The following KCTD1 variants were observed in gnomAD, a reference collection of about 807,000 sequenced individuals.
KCTD1 encodes the protein BTB/POZ domain-containing protein KCTD1.
A neutral mutation model predicts 66.0 loss-of-function variants in KCTD1; 24 were observed. That is an observed-to-expected ratio of 0.36 (90% CI 0.26 to 0.51). KCTD1 has a LOEUF of 0.51. KCTD1 is among the 20% of genes least tolerant of loss of function. The pLI, the probability that KCTD1 is intolerant of heterozygous loss-of-function variation, is 0.95. For synonymous variants in KCTD1, 511 were observed against 517.2 expected, an observed-to-expected ratio of 0.99 and a Z score of 0.16; for missense variants, 943 against 1,205.2, an observed-to-expected ratio of 0.78 and a Z score of 3.22.
intron 1 of KCTD1, chr18:26,655,874 G>C (rs1988123414): frequency 6.6e-6 from 1 of 152,216 alleles, no homozygotes; most frequent in African/African-American, 2.4e-5. Flanking sequence ...TCCTCTTCCT[G>C]GATGTTTTGG....
chr18:26,529,928 G>A (rs1984356246), intron 1 of KCTD1, among the ~76,000 whole-genome samples: 1 of 152,208 alleles, frequency 6.6e-6, no homozygotes, highest in South Asian at 2.1e-4. Context: ...AACTCAGAAA[G>A]TGAGAAGAGG....
intron 1 of KCTD1, among the ~76,000 whole-genome samples, chr18:26,635,953 C>T (rs143123011): frequency 1.4e-3 from 211 of 152,224 alleles, no homozygotes; most frequent in African/African-American, 4.9e-3. Flanking sequence ...ATTCAGCTTG[C>T]TGCAGCAAGT....
intron 4 of KCTD1, chr18:26,458,458 T>C (rs1045119966): frequency 3.9e-5 from 6 of 152,140 alleles, no homozygotes; most frequent in Non-Finnish European, 5.9e-5. Flanking sequence ...TCCATTGACT[T>C]CAAATGGTTT....
At chr18:26,598,329 C>T (rs574814803) in intron 1 of KCTD1, among the ~76,000 whole-genome samples, 1 of 152,116 alleles carries the variant, frequency 6.6e-6, no homozygotes, top group African/African-American at 2.4e-5. Context: ...GGGATGTACT[C>T]CCTTCTGTTA....
chr18:26,506,437 A>G (rs578149130), intron 1 of KCTD1, among the ~76,000 whole-genome samples: 1 of 152,348 alleles, frequency 6.6e-6, no homozygotes, highest in African/African-American at 2.4e-5. Flanking sequence ...TGAGAAGTTA[A>G]CAAACACTGG....
At chr18:26,641,667 C>T (rs1208326135), upstream of KCTD1, among the ~76,000 whole-genome samples, 1 of 152,010 alleles carries the variant, frequency 6.6e-6, no homozygotes, top group Non-Finnish European at 1.5e-5. Flanking sequence ...CTGTTTAACT[C>T]TTTGTAGGTA....
intron 1 of KCTD1, among the ~76,000 whole-genome samples, chr18:26,508,707 AT>A (rs869171143): frequency 2.0e-5 from 1 of 49,812 alleles, no homozygotes; most frequent in Non-Finnish European, 6.8e-5. Context: ...ATTTAAATAT[AT>A]TTCTCTCTCT....
chr18:26,537,053 T>C (rs774873058), intron 1 of KCTD1, among the ~76,000 whole-genome samples: 15 of 152,024 alleles, frequency 9.9e-5, no homozygotes, highest in Non-Finnish European at 1.8e-4. Context: ...AAGACGAACA[T>C]GTGAAAGAAC....
intron 1 of KCTD1, among the ~76,000 whole-genome samples, chr18:26,602,189 A>T (rs769147875): frequency 2.0e-5 from 3 of 152,120 alleles, no homozygotes; most frequent in Non-Finnish European, 2.9e-5. Context: ...AAGGGTGTTG[A>T]ATTTTGCCAA....
chr18:26,588,087 A>G (rs1986510180), intron 1 of KCTD1, among the ~76,000 whole-genome samples: 1 of 152,212 alleles, frequency 6.6e-6, no homozygotes, highest in Non-Finnish European at 1.5e-5. Flanking sequence ...AACCTTTCAT[A>G]AAAGGAAGAA....
intron 2 of KCTD1, among the ~76,000 whole-genome samples, chr18:26,496,783 G>A (rs916782556): frequency 6.6e-6 from 1 of 151,288 alleles, no homozygotes; most frequent in African/African-American, 2.4e-5. Flanking sequence ...GGAACCACTG[G>A]TAACCTTGGT....
At chr18:26,492,070 C>T (rs551581546) in intron 2 of KCTD1, among the ~76,000 whole-genome samples, 2 of 151,990 alleles carry the variant, frequency 1.3e-5, no homozygotes, top group South Asian at 2.1e-4. Context: ...AGTGAGACCT[C>T]GTCTCTACAA....
At chr18:26,481,795 G>A (rs1981660989) in intron 2 of KCTD1, among the ~76,000 whole-genome samples, 1 of 152,146 alleles carries the variant, frequency 6.6e-6, no homozygotes, top group Non-Finnish European at 1.5e-5. Flanking sequence ...AAATAATGAT[G>A]CTGGGCCCCC....
At position 26,548,467 on chromosome 18, in the gene KCTD1, CGGCGGCGGCAGCGCT is replaced by C; in HGVS notation, c.55_69del (p.Ser19_Ala23del). 1 of 1,262,946 alleles carries C rather than the reference CGGCGGCGGCAGCGCT, an allele frequency of 7.9e-7. No homozygotes were observed. Among genetic ancestry groups the C allele is most frequent in the Non-Finnish European group, 9.9e-7 (1 of 1,012,100 alleles). 78.2% of individuals were successfully genotyped at this position (1,262,946 alleles called of 1,614,324 possible). A position where few individuals can be genotyped will look rare whatever the true frequency, so the allele number is the denominator to read the frequency against. On this transcript the variant is annotated inframe_deletion, in exon 1 of 5. Transcript: ENST00000580059. ...CCCCGCTCCCCATTGTTCTCGGCGG[CGGCGGCGGCAGCGCT>C]GGCGCTGCCGCCCGCGCTGGTGTTA...
chr18:26,503,304 G>A (rs73399578), intron 1 of KCTD1, among the ~76,000 whole-genome samples: 6,268 of 151,702 alleles, frequency 0.041, 207 homozygotes, highest in African/African-American at 0.093. Context: ...ATTGGGTATT[G>A]GAAAAAAATA....
chr18:26,465,203 C>T (rs575037853), intron 3 of KCTD1, among the ~76,000 whole-genome samples: 44 of 152,300 alleles, frequency 2.9e-4, no homozygotes, highest in African/African-American at 1.0e-3. Flanking sequence ...CCTGCCTCAG[C>T]CTCCAGAGTA....
Position 26,548,297 on chromosome 18 carries a change from GTCCTCC to G in KCTD1, c.234_239del (p.Glu78_Glu79del), listed in dbSNP as rs760825235. The stretch of plus-strand genomic sequence containing the variant: ...CGTCCTCCTCCAGCCCCCCACCTCC[GTCCTCC>G]TCCTCCTCCTCGTCCCCCGTTATCT... On this transcript the variant is annotated inframe_deletion, in exon 1 of 5. Coordinates refer to ENST00000580059, the MANE Select transcript of KCTD1 (RefSeq NM_001142730.3). 35 of 1,477,580 alleles carry G rather than the reference GTCCTCC, an allele frequency of 2.4e-5. No homozygotes were observed. In the African/African-American group the frequency reaches 2.6e-4, roughly 11 times the overall value. The allele number at this position is 1,477,580 out of a possible 1,614,324, so 91.5% of individuals were successfully genotyped here.
chr18:26,574,385 T>G (rs1567998105), intron 1 of KCTD1, among the ~76,000 whole-genome samples: 1 of 152,150 alleles, frequency 6.6e-6, no homozygotes, highest in Non-Finnish European at 1.5e-5. Context: ...CTCCAGTCAT[T>G]TGAGAAGGAT....
intron 1 of KCTD1, among the ~76,000 whole-genome samples, chr18:26,521,189 C>T (rs1229950293): frequency 1.3e-5 from 2 of 152,208 alleles, no homozygotes; most frequent in Non-Finnish European, 2.9e-5. Context: ...GGGGCTTTGG[C>T]TGTGACAGCC....
Sources: gnomAD v4.1 joint callset for allele counts (sites outside exome capture counted in the v4.1 genomes callset) on GRCh38, gnomAD v4.1.1 for gene constraint, MANE v1.5 for transcripts, NCBI Gene and HGNC (gene_info 2026-07-23, HGNC 2026-07-21) for gene names.